EML6: variants seen among roughly 807,000 people sequenced by gnomAD.
EML6 encodes EMAP like 6, also known as echinoderm microtubule-associated protein-like 6.
A neutral mutation model predicts 240.1 loss-of-function variants in EML6; 154 were observed. The ratio of observed to expected loss-of-function variants is 0.64; its 90% CI spans 0.56 to 0.73. The LOEUF (loss-of-function observed/expected upper bound fraction) is 0.73, where lower values mean the gene tolerates loss of function less well. EML6 is among the 30% of genes least tolerant of loss of function. The probability of loss-of-function intolerance (pLI) is 0.00; values close to 1 mark genes in which losing one functional copy is unlikely to be tolerated. For missense variants in EML6, 2,964 were observed against 2,474.6 expected (o/e 1.20, Z -4.20); for synonymous variants, 1,148 against 899.0 (o/e 1.28, Z -4.95).
intron 15 of EML6, 22 bp downstream of exon 15, chr2:54,869,389 G>C: frequency 6.8e-7 from 1 of 1,479,338 alleles, no homozygotes; most frequent in East Asian, 2.5e-5. Flanking sequence ...CTGTAAACTA[G>C]GGCCTAGCCA....
rs1676859570 is a variant in EML6 at position 54,968,716 on chromosome 2, CGT to C, written c.5801_5802del (p.Arg1934LeufsTer4). The C allele has an allele frequency of 2.6e-6, 4 of 1,551,300 alleles. No homozygotes were observed. The highest frequency in any genetic ancestry group is 3.5e-6 in the Non-Finnish European group (4 of 1,146,576). On this transcript the variant is annotated frameshift_variant, in exon 41 of 42. Transcript: ENST00000356458. LOFTEE classifies it high-confidence loss of function. ...TCACTCGGCTCACGTGACGAACATC[CGT>C]TTCTCTTATGATGACAAGTATGTGG... is the stretch of plus-strand genomic sequence containing the variant. ...FGHSAHVTNI[R>X]FSYDDKYVVS...
At chr2:54,940,365 TTG>T (rs1221846553) in intron 28 of EML6, among the ~76,000 whole-genome samples, 1 of 152,244 alleles carries the variant, frequency 6.6e-6, no homozygotes, top group Admixed American at 6.5e-5. Context: ...GAGATTTTTT[TTG>T]TTTGTTTTGG....
At chr2:54,748,660 A>T (rs1198546672) in intron 2 of EML6, among the ~76,000 whole-genome samples, 1 of 152,082 alleles carries the variant, frequency 6.6e-6, no homozygotes, top group African/African-American at 2.4e-5. Context: ...CCTGGACTCA[A>T]ATGATCCTCT....
intron 35 of EML6, among the ~76,000 whole-genome samples, chr2:54,961,553 G>T (rs769850857): frequency 1.3e-5 from 2 of 152,032 alleles, no homozygotes; most frequent in Non-Finnish European, 2.9e-5. Flanking sequence ...AAGAACAGGA[G>T]AATTGGCTGC....
At chr2:54,756,004 T>G (rs1667705834) in intron 2 of EML6, among the ~76,000 whole-genome samples, 1 of 152,120 alleles carries the variant, frequency 6.6e-6, no homozygotes, top group Non-Finnish European at 1.5e-5. Flanking sequence ...GGTTGGACTT[T>G]CCTCTCTGCC....
chr2:54,826,699 G>A (rs1003342238), intron 5 of EML6, among the ~76,000 whole-genome samples: 1 of 152,118 alleles, frequency 6.6e-6, no homozygotes, highest in African/African-American at 2.4e-5. Context: ...CTGAAGCTTT[G>A]TGTATGGTCT....
At chr2:54,912,994 C>G (rs893169844) in intron 25 of EML6, among the ~76,000 whole-genome samples, 4 of 151,486 alleles carry the variant, frequency 2.6e-5, no homozygotes, top group African/African-American at 9.7e-5. Flanking sequence ...AACTGCTTTC[C>G]ACAGAGGCTA....
In EML6 at chr2:54,903,074, G is replaced by T; in HGVS notation, c.3155G>T (p.Gly1052Val). Residue 1052 changes from glycine to valine, a missense_variant, in exon 23 of 42, where the codon GGG becomes GTG. By Grantham distance (109) the Gly-to-Val change is moderately radical. Transcript: ENST00000356458. ...GGRCCAFSPD[G>V]KALAVGLNDG... Reference sequence around the variant, plus strand: ...AGATGCTGTGCCTTTTCCCCTGATGGGAAAGCCTTAGCGGTTGGCTTGAAC... The same window carrying T: ...AGATGCTGTGCCTTTTCCCCTGATGTGAAAGCCTTAGCGGTTGGCTTGAAC... The T allele has an allele frequency of 6.4e-7, 1 of 1,551,752 alleles. No individual in the cohort carries two copies. Among genetic ancestry groups the T allele is most frequent in the Non-Finnish European group, 8.7e-7 (1 of 1,146,994 alleles).
chr2:54,756,286 A>G (rs1278594738), intron 2 of EML6, among the ~76,000 whole-genome samples: 2 of 152,120 alleles, frequency 1.3e-5, no homozygotes, highest in Non-Finnish European at 2.9e-5. Context: ...TTTGTTCATC[A>G]GTGTCTTCAA....
intron 7 of EML6, among the ~76,000 whole-genome samples, chr2:54,836,528 C>T (rs1669152597): frequency 6.6e-6 from 1 of 152,194 alleles, no homozygotes; most frequent in South Asian, 2.1e-4. Context: ...CTTAGGATGA[C>T]CTGCAGCCCC....
At position 54,952,935 on chromosome 2, in the gene EML6, C is replaced by T. The variant is rs541083706; in HGVS notation, c.4312+243C>T. Reference sequence around the variant, plus strand: ...GTCCAAATAAACGTTGGCCCCCATCCCTGTGGACTTGTAAGAATAGTTTTT... The same window carrying T: ...GTCCAAATAAACGTTGGCCCCCATCTCTGTGGACTTGTAAGAATAGTTTTT... On this transcript the variant is annotated intron_variant, in intron 31 of 41. Transcript: ENST00000356458. 7.9e-5 allele frequency among the ~76,000 whole-genome samples: 12 copies of T among 152,172 alleles called. No homozygotes were observed. The South Asian group carries it at 2.3e-3, about 29-fold the overall frequency.
At chr2:54,855,531 AT>A (rs1558617606) in intron 11 of EML6, among the ~76,000 whole-genome samples, 1 of 145,008 alleles carries the variant, frequency 6.9e-6, no homozygotes, top group Admixed American at 7.3e-5. Flanking sequence ...TGTCCAAACT[AT>A]ATTACAGAGG....
chr2:54,772,005 G>T (rs144444000), intron 2 of EML6, among the ~76,000 whole-genome samples: 1 of 152,314 alleles, frequency 6.6e-6, no homozygotes, highest in East Asian at 1.9e-4. Flanking sequence ...TTTCTCCAGT[G>T]AAATGTACTG....
intron 16 of EML6, among the ~76,000 whole-genome samples, chr2:54,876,045 C>T (rs1298828258): frequency 6.6e-6 from 1 of 152,154 alleles, no homozygotes; most frequent in African/African-American, 2.4e-5. Context: ...TCACCCTTTA[C>T]TACTGACATT....
chr2:54,880,730 G>C (rs930669168), intron 17 of EML6: 1 of 152,302 alleles, frequency 6.6e-6, no homozygotes, highest in Admixed American at 6.5e-5. Flanking sequence ...GTAGTACTCA[G>C]ATTCAGCTTC....
chr2:54,753,751 G>A (rs1158521638), intron 2 of EML6, among the ~76,000 whole-genome samples: 2 of 149,110 alleles, frequency 1.3e-5, no homozygotes, highest in African/African-American at 2.5e-5. Flanking sequence ...CTGCAGCCTC[G>A]AACTCCAGGC....
intron 24 of EML6, among the ~76,000 whole-genome samples, chr2:54,910,685 A>G (rs77090785): frequency 0.34 from 52,160 of 151,892 alleles, 9,473 homozygotes; most frequent in South Asian, 0.53. Flanking sequence ...CAGCATATCA[A>G]TAAAACATAT....
intron 17 of EML6, among the ~76,000 whole-genome samples, chr2:54,883,326 C>A (rs1442511403): frequency 6.6e-6 from 1 of 151,998 alleles, no homozygotes; most frequent in African/African-American, 2.4e-5. Context: ...TAATTTGTTA[C>A]CTGTCTTGTT....
At position 54,813,304 on chromosome 2, in the gene EML6, G is replaced by C; in HGVS notation, c.270G>C (p.Trp90Cys). 6.4e-7 allele frequency: 1 copy of C among 1,550,452 alleles called. No individual in the cohort carries two copies. The highest frequency in any genetic ancestry group is 2.4e-5 in the East Asian group (1 of 40,920). Residue 90 changes from tryptophan to cysteine, a missense_variant, in exon 3 of 42, where the codon TGG becomes TGC. Transcript: ENST00000356458. ...QVGKEPYICIWDSYNVQTVSL... is the reference protein window; with the variant it reads ...QVGKEPYICICDSYNVQTVSL... The stretch of plus-strand genomic sequence containing the variant: ...GGAAGGAGCCATATATATGCATATG[G>C]GATTCCTATAATGTCCAGACTGTGT...
Sources: allele counts gnomAD v4.1 joint callset (sites outside exome capture counted in the v4.1 genomes callset), GRCh38; gene constraint gnomAD v4.1.1; transcripts MANE v1.5; gene names NCBI Gene and HGNC (gene_info 2026-07-23, HGNC 2026-07-21).